CCDC163: variants seen among roughly 807,000 people sequenced by gnomAD.
CCDC163 encodes the protein CCDC163 homolog.
Under a neutral mutation model 8.2 loss-of-function variants are expected in CCDC163, and 13 were observed. That is an observed-to-expected ratio of 1.59 (90% CI 1.04 to 2.54). CCDC163 has a LOEUF of 2.54. CCDC163 is among the 30% of genes most tolerant of loss of function. The pLI is 0.00. For missense variants in CCDC163, 117 were observed against 78.6 expected (o/e 1.49, Z -1.85); for synonymous variants, 41 against 30.9 (o/e 1.33, Z -1.08).
chr1:45,497,259 C>A (rs960048047), intron 3 of CCDC163, 40 bp downstream of exon 3: 4 of 758,522 alleles, frequency 5.3e-6, no homozygotes, highest in Non-Finnish European at 9.8e-6. Context: ...GAAAAGGGGA[C>A]AAGGAAACGC....
rs376618650 is a variant in CCDC163 at position 45,499,840 on chromosome 1, G to A, written c.-231C>T. On this transcript the variant is annotated 5_prime_UTR_variant, in exon 1 of 5. Transcript: ENST00000629482. ...AACTGGGGGAAAAGCGGGATACCGT[G>A]ATGATACGCAGATATCAGGTGGGGA... 1.8e-5 allele frequency: 10 copies of A among 570,034 alleles called. No homozygotes were observed. Among genetic ancestry groups the A allele is most frequent in the Admixed American group, 3.0e-5 (1 of 32,794 alleles). 35.3% of individuals were successfully genotyped at this position (570,034 alleles called of 1,614,324 possible).
chr1:45,497,312 C>G lies in CCDC163; in HGVS notation c.249G>C (p.Leu83=), dbSNP rs762885355. The part of the protein sequence containing the change: ...SEIMQKELKL[L]QYQLSQHQEL... Reference sequence around the variant, plus strand: ...CCTTTTACTTACTCAACTGGTACTGCAGCAACTTCAATTCCTTCTGCATAA... The same window carrying G: ...CCTTTTACTTACTCAACTGGTACTGGAGCAACTTCAATTCCTTCTGCATAA... Residue 83 remains leucine (L), a synonymous_variant, in exon 3 of 5, where the codon CTG becomes CTC. Coordinates refer to ENST00000629482, the MANE Select transcript of CCDC163 (RefSeq NM_001102601.3). 5 of 779,968 alleles carry G rather than the reference C, an allele frequency of 6.4e-6. No homozygotes were observed. Among genetic ancestry groups the G allele is most frequent in the Non-Finnish European group, 1.2e-5 (5 of 417,448 alleles). 48.3% of individuals were successfully genotyped at this position (779,968 alleles called of 1,614,324 possible).
intron 4 of CCDC163, 58 bp from the exon 5 acceptor site, chr1:45,495,224 T>C (rs1358879144): frequency 6.4e-6 from 5 of 779,710 alleles, no homozygotes; most frequent in Admixed American, 1.7e-5. Flanking sequence ...GTGATATGCA[T>C]AGAACTAGGC....
chr1:45,495,569 A>G, intron 4 of CCDC163: 1 of 702,328 alleles, frequency 1.4e-6, no homozygotes, highest in South Asian at 1.5e-5. Context: ...CAGAACCAGA[A>G]ACAGAGAAGA....
Position 45,497,995 on chromosome 1 carries a change from A to G in CCDC163, c.178-612T>C, listed in dbSNP as rs558594339. Among the ~76,000 whole-genome samples, 68 of 149,160 alleles carry G rather than the reference A, an allele frequency of 4.6e-4. No homozygotes were observed. In the East Asian group the frequency reaches 0.013, roughly 29 times the overall value. ...CGGATGGTTGCCGTGTCTGTGTAGA[A>G]AGAAGTAGACATGGGAGACTTTTCA... On this transcript the variant is annotated intron_variant, in intron 2 of 4. Coordinates refer to ENST00000629482, the MANE Select transcript of CCDC163 (RefSeq NM_001102601.3).
rs1383640305 is a variant in CCDC163 at position 45,494,799 on chromosome 1, A to G, written c.*260T>C. On this transcript the variant is annotated 3_prime_UTR_variant, in exon 5 of 5. Transcript: ENST00000629482. The stretch of plus-strand genomic sequence containing the variant: ...TGGTGAAACCCCATCTCTACTAAAA[A>G]TACAAAAATTAGCGCACACCTGTAA... The G allele has an allele frequency of 2.3e-6, 1 of 426,824 alleles. No homozygotes were observed. The highest frequency in any genetic ancestry group is 2.0e-5 in the African/African-American group (1 of 49,944). 26.4% of individuals were successfully genotyped at this position (426,824 alleles called of 1,614,324 possible). A position where few individuals can be genotyped will look rare whatever the true frequency, so the allele number is the denominator to read the frequency against.
chr1:45,499,096 G>T (rs911835568), intron 2 of CCDC163, among the ~76,000 whole-genome samples: 1 of 152,176 alleles, frequency 6.6e-6, no homozygotes, highest in Non-Finnish European at 1.5e-5. Flanking sequence ...TGGAACTATG[G>T]GAGTCTCTAA....
At chr1:45,497,658 G>T (rs1654305369) in intron 2 of CCDC163, among the ~76,000 whole-genome samples, 1 of 96,502 alleles carries the variant, frequency 1.0e-5, no homozygotes, top group Non-Finnish European at 2.0e-5. Context: ...CCCCGTCTGG[G>T]AAGTGAGGAG....
rs1457874490 is a variant in CCDC163 at position 45,495,143 on chromosome 1, T to G, written c.354A>C (p.Leu118=). The G allele has an allele frequency of 2.6e-6, 2 of 780,640 alleles. No homozygotes were observed. The highest frequency in any genetic ancestry group is 4.8e-6 in the Non-Finnish European group (2 of 417,982). 48.4% of individuals were successfully genotyped at this position (780,640 alleles called of 1,614,324 possible). Residue 118 remains leucine, a synonymous_variant, in exon 5 of 5, where the codon CTA becomes CTC. Transcript: ENST00000629482. ...AGCTGAAAGATGCTGGGCTCCAGGTTAGAAAGGGTGCTCCTCTGGGGATCT... is the reference window on the plus strand; with the variant it reads ...AGCTGAAAGATGCTGGGCTCCAGGTGAGAAAGGGTGCTCCTCTGGGGATCT... The part of the protein sequence containing the change: ...SWKIPRGAPF[L]TWSPASFSSM...
Position 45,495,306 on chromosome 1 carries a change from C to T in CCDC163, c.331-140G>A, listed in dbSNP as rs1654016193. On this transcript the variant is annotated intron_variant, in intron 4 of 4. Coordinates refer to ENST00000629482, the MANE Select transcript of CCDC163 (RefSeq NM_001102601.3). ...ACAGCAACAGAGGTCAGTGAGTTCA[C>T]AGAAAGGCAGAGACTCCATTCTACC... is the stretch of plus-strand genomic sequence containing the variant. 9.9e-6 allele frequency: 7 copies of T among 703,718 alleles called. No homozygotes were observed. In the South Asian group the frequency reaches 1.0e-4, roughly 11 times the overall value. The allele number at this position is 703,718 out of a possible 1,614,324, so 43.6% of individuals were successfully genotyped here. A position where few individuals can be genotyped will look rare whatever the true frequency, so the allele number is the denominator to read the frequency against.
At chr1:45,496,200 T>C (rs1177858582) in intron 4 of CCDC163, 1 of 376,182 alleles carries the variant, frequency 2.7e-6, no homozygotes, top group Admixed American at 3.7e-5. Context: ...ATCTTGGTCC[T>C]CTGTCCTGGT....
Position 45,499,536 on chromosome 1 carries a change from T to A in CCDC163, c.74A>T (p.Asn25Ile), listed in dbSNP as rs775151482. The change falls in exon 1 of 5, where the codon AAT becomes ATT. Residue 25 changes from asparagine (N) to isoleucine (I), a missense_variant. By Grantham distance (149) the Asn-to-Ile change is moderately radical (BLOSUM62 -3). Transcript: ENST00000629482. ...GGACCTCCACCAACCCCTCACCTTATTCCGGACCACATTTCCATCAGTAGC... is the reference window on the plus strand; with the variant it reads ...GGACCTCCACCAACCCCTCACCTTAATCCGGACCACATTTCCATCAGTAGC... ...LNATDGNVVR[N>I]KQWLYPLGVS... is the part of the protein sequence containing the mutation. 7.7e-6 allele frequency: 6 copies of A among 779,102 alleles called. No homozygotes were observed. In the Admixed American group the frequency reaches 8.5e-5, roughly 11 times the overall value. The allele number at this position is 779,102 out of a possible 1,614,324, so 48.3% of individuals were successfully genotyped here.
intron 2 of CCDC163, chr1:45,498,476 G>A (rs187616018): frequency 6.6e-6 from 1 of 151,022 alleles, no homozygotes; most frequent in African/African-American, 2.5e-5. Flanking sequence ...GCCATTGGTA[G>A]TACTGCATTC....
rs1441587068 is a variant in CCDC163, at chr1:45,494,673, T to C, written c.*386A>G. 7.5e-6 allele frequency: 2 copies of C among 266,926 alleles called. No individual in the cohort carries two copies. Among genetic ancestry groups the C allele is most frequent in the East Asian group, 1.7e-4 (2 of 12,068 alleles). The allele number at this position is 266,926 out of a possible 1,614,324, so 16.5% of individuals were successfully genotyped here. ...AGCTTGCACTCAGAAGGTACAGCTA[T>C]AGGCTGGGCATGGTGGCTCACAACT... On this transcript the variant is annotated 3_prime_UTR_variant, in exon 5 of 5. Coordinates refer to ENST00000629482, the MANE Select transcript of CCDC163 (RefSeq NM_001102601.3).
At chr1:45,498,056 G>T (rs1250481495) in intron 2 of CCDC163, among the ~76,000 whole-genome samples, 15 of 142,196 alleles carry the variant, frequency 1.1e-4, no homozygotes, top group South Asian at 2.3e-4. Flanking sequence ...TTCTGCCTTG[G>T]GATCCTGTTG....
chr1:45,495,647 TCCTC>T, intron 4 of CCDC163: 1 of 586,416 alleles, frequency 1.7e-6, no homozygotes, highest in South Asian at 1.7e-5. Context: ...GACTCTGGTC[TCCTC>T]CCTCTTTTTT....
chr1:45,493,917 A>C lies in CCDC163; in HGVS notation c.*1142T>G, dbSNP rs976586448. 1.3e-5 allele frequency: 2 copies of C among 152,130 alleles called. No individual in the cohort carries two copies. The highest frequency in any genetic ancestry group is 1.3e-4 in the Admixed American group (2 of 15,264). The allele number at this position is 152,130 out of a possible 1,614,324, so 9.4% of individuals were successfully genotyped here. A position where few individuals can be genotyped will look rare whatever the true frequency, so the allele number is the denominator to read the frequency against. ...ATATAATAGAAAATATCAGTGTATC[A>C]CTCCCACTAAGGATAAAAATTAAAT... On this transcript the variant is annotated 3_prime_UTR_variant, in exon 5 of 5. Transcript: ENST00000629482.
At chr1:45,495,653 CTCTTTTTTTTTTT>C in intron 4 of CCDC163, 12 of 572,752 alleles carry the variant, frequency 2.1e-5, no homozygotes, top group Non-Finnish European at 3.1e-6. Context: ...GGTCTCCTCC[CTCTTTTTTTTTTT>C]TTTTTTTTTT....
At position 45,499,664 on chromosome 1, in the gene CCDC163, C is replaced by A; in HGVS notation, c.-55G>T. On this transcript the variant is annotated 5_prime_UTR_variant, in exon 1 of 5. Coordinates refer to ENST00000629482, the MANE Select transcript of CCDC163 (RefSeq NM_001102601.3). ...GGCTCCCTGGTGTCTTGTGCTTGCTCTCCTAGCGGGGGATACCCAAGGTAT... is the reference window on the plus strand; with the variant it reads ...GGCTCCCTGGTGTCTTGTGCTTGCTATCCTAGCGGGGGATACCCAAGGTAT... The A allele has an allele frequency of 1.4e-6, 1 of 724,202 alleles. No homozygotes were observed. Among genetic ancestry groups the A allele is most frequent in the South Asian group, 1.5e-5 (1 of 67,484 alleles). 44.9% of individuals were successfully genotyped at this position (724,202 alleles called of 1,614,324 possible).
Sources: gnomAD v4.1 joint callset for allele counts (sites outside exome capture counted in the v4.1 genomes callset) on GRCh38, gnomAD v4.1.1 for gene constraint, MANE v1.5 for transcripts, NCBI Gene and HGNC (gene_info 2026-07-23, HGNC 2026-07-21) for gene names.